ANGEL2: variants seen among roughly 807,000 people sequenced by gnomAD.
ANGEL2 encodes angel homolog 2, also known as RNA 2',3'-cyclic phosphatase ANGEL2.
ANGEL2 carries 41 observed loss-of-function variants against 66.0 expected under a neutral mutation model. The observed-to-expected ratio is 0.62, with a 90% CI of 0.48 to 0.81. The LOEUF (loss-of-function observed/expected upper bound fraction) is 0.81. Ranked by LOEUF, ANGEL2 falls within the 30% of genes least tolerant of loss-of-function variation. The pLI is 0.00. For synonymous variants in ANGEL2, 208 were observed against 226.5 expected, an observed-to-expected ratio of 0.92 and a Z score of 0.73; for missense variants, 561 against 641.6, an observed-to-expected ratio of 0.87 and a Z score of 1.36.
At position 213,015,779 on chromosome 1, in the gene ANGEL2, C is replaced by G. The variant is rs574808951; in HGVS notation, c.-108G>C. The G allele has an allele frequency of 6.8e-7, 1 of 1,460,074 alleles. No homozygotes were observed. The highest frequency in any genetic ancestry group is 9.5e-7 in the Non-Finnish European group (1 of 1,054,022). 90.4% of individuals were successfully genotyped at this position (1,460,074 alleles called of 1,614,324 possible). On this transcript the variant is annotated 5_prime_UTR_variant, in exon 1 of 9. Transcript: ENST00000366962. ...AGGGAACCCCATCACTCTTAAGTAC[C>G]GACTCCAGTCCTGGCTGCAAGGCAT...
At chr1:213,003,068 TA>T (rs36009633) in intron 5 of ANGEL2, among the ~76,000 whole-genome samples, 5,838 of 152,310 alleles carry the variant, frequency 0.038, 166 homozygotes, top group Non-Finnish European at 0.061. Flanking sequence ...CTTCATTCTT[TA>T]AACCTCATAA....
At chr1:213,010,200 C>T (rs1356800288) in intron 2 of ANGEL2, among the ~76,000 whole-genome samples, 3 of 152,252 alleles carry the variant, frequency 2.0e-5, no homozygotes, top group African/African-American at 7.2e-5. Flanking sequence ...AATCCTACCC[C>T]CAATGGCTCA....
intron 5 of ANGEL2, 137 bp from the exon 6 acceptor site, chr1:213,001,049 T>C (rs1045442097): frequency 6.5e-6 from 5 of 772,052 alleles, no homozygotes; most frequent in Non-Finnish European, 9.8e-6. Context: ...AGTGATTCTT[T>C]GGACTTATAA....
chr1:213,000,244 T>G (rs570393871), intron 7 of ANGEL2, 82 bp downstream of exon 7: 1 of 1,366,652 alleles, frequency 7.3e-7, no homozygotes, highest in Non-Finnish European at 1.0e-6. Context: ...ACCTTCATTT[T>G]TTTATCCAAG....
At chr1:213,003,584 C>A (rs2076236984) in intron 5 of ANGEL2, among the ~76,000 whole-genome samples, 1 of 152,126 alleles carries the variant, frequency 6.6e-6, no homozygotes, top group South Asian at 2.1e-4. Flanking sequence ...ACACATTTAT[C>A]GATTAAGTTC....
chr1:213,000,831 T>C lies in ANGEL2; in HGVS notation c.1216A>G (p.Asn406Asp). Reference sequence around the variant, plus strand: ...ACCTGCTGTACCTCATACACACAGTTCTGTGAGATACCTAGGTTTGGGGGC... The same window carrying C: ...ACCTGCTGTACCTCATACACACAGTCCTGTGAGATACCTAGGTTTGGGGGC... Reference protein sequence around the residue: ...IWPPNLGISQNCVYEVQQVPK... With the variant: ...IWPPNLGISQDCVYEVQQVPK... Residue 406 changes from asparagine to aspartate, a missense_variant, in exon 6 of 9, where the codon AAC becomes GAC. By Grantham distance (23) the Asn-to-Asp change is conservative (BLOSUM62 1). Coordinates refer to ENST00000366962, the MANE Select transcript of ANGEL2 (RefSeq NM_144567.5). 1 of 1,612,942 alleles carries C rather than the reference T, an allele frequency of 6.2e-7. No individual in the cohort carries two copies. The highest frequency in any genetic ancestry group is 1.3e-5 in the African/African-American group (1 of 75,000).
In ANGEL2 at chr1:212,993,410, C is replaced by G. The variant is rs2075911939; in HGVS notation, c.*1631G>C. The G allele has an allele frequency of 6.6e-6, 1 of 152,180 alleles. No homozygotes were observed. Among genetic ancestry groups the G allele is most frequent in the Admixed American group, 6.5e-5 (1 of 15,276 alleles). 9.4% of individuals were successfully genotyped at this position (152,180 alleles called of 1,614,324 possible). A position where few individuals can be genotyped will look rare whatever the true frequency, so the allele number is the denominator to read the frequency against. On this transcript the variant is annotated 3_prime_UTR_variant, in exon 9 of 9. Transcript: ENST00000366962. ...AAATCTTATAATCCACATGCCTTCTCTGAGGTTTTCATCTGTTTGTTTTTT... is the reference window on the plus strand; with the variant it reads ...AAATCTTATAATCCACATGCCTTCTGTGAGGTTTTCATCTGTTTGTTTTTT...
chr1:213,002,102 A>G (rs1055155366), intron 5 of ANGEL2: 2 of 152,540 alleles, frequency 1.3e-5, no homozygotes, highest in African/African-American at 4.8e-5. Context: ...CCCCAGATCC[A>G]TCAGAGAAAT....
intron 1 of ANGEL2, 107 bp from the exon 2 acceptor site, chr1:213,013,525 C>T (rs2076562356): frequency 3.8e-6 from 4 of 1,060,670 alleles, no homozygotes; most frequent in Non-Finnish European, 5.4e-6. Context: ...TATTTAAAAT[C>T]TGGCTGCTAA....
rs41277162 is a variant in ANGEL2, at chr1:212,994,195, C to T, written c.*846G>A. 0.036 allele frequency: 5,485 copies of T among 152,304 alleles called. 144 individuals are homozygous for T. Among genetic ancestry groups the T allele is most frequent in the Middle Eastern group, 0.054 (16 of 294 alleles). 9.4% of individuals were successfully genotyped at this position (152,304 alleles called of 1,614,324 possible). A position where few individuals can be genotyped will look rare whatever the true frequency, so the allele number is the denominator to read the frequency against. Reference sequence around the variant, plus strand: ...ACTCGAGAGGCTGAGGCAGGAGAATCGCTTGAGCCCGGGAGGCAGGGGTTG... The same window carrying T: ...ACTCGAGAGGCTGAGGCAGGAGAATTGCTTGAGCCCGGGAGGCAGGGGTTG... On this transcript the variant is annotated 3_prime_UTR_variant, in exon 9 of 9. Transcript: ENST00000366962.
chr1:213,001,016 A>T, intron 5 of ANGEL2, 104 bp from the exon 6 acceptor site: 1 of 1,068,698 alleles, frequency 9.4e-7, no homozygotes, highest in Non-Finnish European at 1.3e-6. Flanking sequence ...GTGGTAAATT[A>T]TTACCCTTTA....
In ANGEL2 at chr1:213,015,816, C is replaced by G. The variant is rs2076632107; in HGVS notation, c.-145G>C. The G allele has an allele frequency of 9.3e-7, 1 of 1,072,032 alleles. No individual in the cohort carries two copies. The highest frequency in any genetic ancestry group is 1.6e-5 in the African/African-American group (1 of 64,254). The allele number at this position is 1,072,032 out of a possible 1,614,324, so 66.4% of individuals were successfully genotyped here. A position where few individuals can be genotyped will look rare whatever the true frequency, so the allele number is the denominator to read the frequency against. On this transcript the variant is annotated 5_prime_UTR_variant, in exon 1 of 9. Coordinates refer to ENST00000366962, the MANE Select transcript of ANGEL2 (RefSeq NM_144567.5). ...TGGCTGCAAGGCATGCTGGGAGGTG[C>G]AGTCTCGCCGGCCGGCCTACACTCC...
At chr1:213,008,022 C>G (rs545629380) in intron 3 of ANGEL2, among the ~76,000 whole-genome samples, 188 bp downstream of exon 3, 2 of 151,964 alleles carry the variant, frequency 1.3e-5, no homozygotes, top group Non-Finnish European at 2.9e-5. Flanking sequence ...AGCCACCACG[C>G]CCGGCTAATT....
At chr1:213,011,157 T>C in intron 2 of ANGEL2, 1 of 1,279,418 alleles carries the variant, frequency 7.8e-7, no homozygotes, top group Non-Finnish European at 1.0e-6. Flanking sequence ...GGATAGTCTC[T>C]GGCCTTCATA....
chr1:212,996,301 G>A (rs974937732), intron 8 of ANGEL2, among the ~76,000 whole-genome samples: 8 of 151,726 alleles, frequency 5.3e-5, no homozygotes, highest in East Asian at 2.0e-4. Flanking sequence ...GCGAGACTCC[G>A]TCTCAAAAAC....
intron 7 of ANGEL2, among the ~76,000 whole-genome samples, chr1:212,997,702 G>A (rs1257237520): frequency 6.6e-6 from 1 of 152,142 alleles, no homozygotes; most frequent in Non-Finnish European, 1.5e-5. Context: ...TGATGACAGA[G>A]AGGCCATATT....
chr1:213,015,118 T>TA, intron 1 of ANGEL2: 1 of 989,978 alleles, frequency 1.0e-6, no homozygotes. Context: ...AGGGATGACA[T>TA]ACAAGTGACT....
Position 212,994,867 on chromosome 1 carries a change from TAA to T in ANGEL2, c.*172_*173del. Reference sequence around the variant, plus strand: ...TTGTCACGAAAATATTTTTCATTATTAAAAAAAATTGTTATAAAGTTATTTCT... The same window carrying T: ...TTGTCACGAAAATATTTTTCATTATTAAAAAATTGTTATAAAGTTATTTCT... On this transcript the variant is annotated 3_prime_UTR_variant, in exon 9 of 9. Coordinates refer to ENST00000366962, the MANE Select transcript of ANGEL2 (RefSeq NM_144567.5). 2.1e-6 allele frequency: 1 copy of T among 468,250 alleles called. No homozygotes were observed. Among genetic ancestry groups the T allele is most frequent in the Non-Finnish European group, 3.4e-6 (1 of 292,992 alleles). 29.0% of individuals were successfully genotyped at this position (468,250 alleles called of 1,614,324 possible).
At chr1:213,001,589 T>G (rs2076179749) in intron 5 of ANGEL2, 2 of 152,176 alleles carry the variant, frequency 1.3e-5, no homozygotes, top group African/African-American at 4.8e-5. Context: ...AACAATGAAA[T>G]TTGCTGCAGC....
Sources: allele counts gnomAD v4.1 joint callset (sites outside exome capture counted in the v4.1 genomes callset), GRCh38; gene constraint gnomAD v4.1.1; transcripts MANE v1.5; gene names NCBI Gene and HGNC (gene_info 2026-07-23, HGNC 2026-07-21).